Variants in RAPGEF5 observed in about 807,000 individuals in gnomAD.
RAPGEF5 encodes M-Ras-regulated GEF.
Under a neutral mutation model 125.2 loss-of-function variants are expected in RAPGEF5, and 65 were observed. That is an observed-to-expected ratio of 0.52 (90% CI 0.43 to 0.64). RAPGEF5 has a LOEUF of 0.64. Among genes scored for constraint, RAPGEF5 ranks in the 30% least tolerant of loss-of-function variants. The pLI is 0.00. For missense variants in RAPGEF5, 958 were observed against 1,048.1 expected, an observed-to-expected ratio of 0.91 and a Z score of 1.19; for synonymous variants, 391 against 385.9, an observed-to-expected ratio of 1.01 and a Z score of -0.16.
intron 11 of RAPGEF5, among the ~76,000 whole-genome samples, chr7:22,190,892 A>G (rs539911312): frequency 1.3e-5 from 2 of 152,286 alleles, no homozygotes; most frequent in African/African-American, 4.8e-5. Flanking sequence ...CTATTAGGCC[A>G]TGTGGAGGGC....
At chr7:22,233,251 T>G (rs1318587360) in intron 7 of RAPGEF5, among the ~76,000 whole-genome samples, 1 of 152,148 alleles carries the variant, frequency 6.6e-6, no homozygotes, top group Non-Finnish European at 1.5e-5. Context: ...TGCAGAGTAA[T>G]TTTCTTGGAG....
chr7:22,145,395 T>C (rs1224216007), intron 19 of RAPGEF5, 173 bp from the exon 20 acceptor site: 6 of 567,054 alleles, frequency 1.1e-5, no homozygotes, highest in Non-Finnish European at 1.4e-5. Flanking sequence ...GTTTTAGAGG[T>C]GCCTCATTCA....
chr7:22,351,878 G>C (rs1028416339), intron 1 of RAPGEF5, among the ~76,000 whole-genome samples: 1 of 152,184 alleles, frequency 6.6e-6, no homozygotes, highest in African/African-American at 2.4e-5. Flanking sequence ...CAAAGGGAAA[G>C]GGATACTTTG....
chr7:22,292,914 A>C (rs766692590), intron 5 of RAPGEF5, among the ~76,000 whole-genome samples: 2 of 151,750 alleles, frequency 1.3e-5, no homozygotes, highest in African/African-American at 2.4e-5. Context: ...GGAACTCAAA[A>C]TTCCAAGAGA....
At chr7:22,219,509 G>A (rs1164931143) in intron 9 of RAPGEF5, among the ~76,000 whole-genome samples, 1 of 150,896 alleles carries the variant, frequency 6.6e-6, no homozygotes, top group African/African-American at 2.4e-5. Flanking sequence ...ATGTTGAAAT[G>A]TTTTTTCAAA....
chr7:22,191,746 C>T, intron 11 of RAPGEF5: 3 of 453,990 alleles, frequency 6.6e-6, no homozygotes, highest in Non-Finnish European at 1.4e-5. Flanking sequence ...GGTGATTTGT[C>T]ATTCTCAGTG....
intron 9 of RAPGEF5, among the ~76,000 whole-genome samples, chr7:22,216,265 T>C (rs1241080649): frequency 1.3e-5 from 2 of 152,218 alleles, no homozygotes; most frequent in Admixed American, 6.5e-5. Context: ...CACATCTGAT[T>C]ATGCCACTTC....
At chr7:22,291,490 C>T (rs1782934663) in intron 5 of RAPGEF5, among the ~76,000 whole-genome samples, 1 of 152,154 alleles carries the variant, frequency 6.6e-6, no homozygotes, top group Non-Finnish European at 1.5e-5. Flanking sequence ...TGGGGTATTA[C>T]TCACCCCATG....
intron 5 of RAPGEF5, among the ~76,000 whole-genome samples, chr7:22,296,062 G>A (rs933919143): frequency 9.2e-5 from 14 of 152,080 alleles, no homozygotes; most frequent in African/African-American, 3.1e-4. Flanking sequence ...TTTTGTATAG[G>A]GTGGTAAGAG....
chr7:22,308,303 G>T, intron 5 of RAPGEF5, 36 bp downstream of exon 5: 1 of 1,541,034 alleles, frequency 6.5e-7, no homozygotes, highest in Non-Finnish European at 8.8e-7. Context: ...TTGTCTAAGT[G>T]TAAGAATACA....
At chr7:22,186,778 T>A (rs143776459) in intron 11 of RAPGEF5, among the ~76,000 whole-genome samples, 36 of 152,324 alleles carry the variant, frequency 2.4e-4, no homozygotes, top group East Asian at 1.5e-3. Flanking sequence ...TGCCAGGAAA[T>A]GGCTAGTAGA....
intron 2 of RAPGEF5, among the ~76,000 whole-genome samples, chr7:22,316,410 T>C (rs2128154664): frequency 6.7e-6 from 1 of 148,380 alleles, no homozygotes; most frequent in Non-Finnish European, 1.5e-5. Context: ...TATATATATA[T>C]ATACATACAC....
rs1027504814 is a variant in RAPGEF5 at position 22,131,060 on chromosome 7, T to G, written c.2458A>C (p.Asn820His). ...ACCAGCTTTTCAAAATTGACAAGAT[T>G]ATCCAAAAAAGTTTTATTTCCTTCA... ...IHEGNKTFLD[N>H]LVNFEKLHMI... The change falls in exon 24 of 26, where the codon AAT becomes CAT. Residue 820 changes from asparagine to histidine, a missense_variant. Asn to His is a moderately conservative substitution (Grantham distance 68). Transcript: ENST00000665637. 6.5e-7 allele frequency: 1 copy of G among 1,537,030 alleles called. No individual in the cohort carries two copies. Among genetic ancestry groups the G allele is most frequent in the Non-Finnish European group, 8.8e-7 (1 of 1,141,374 alleles).
intron 11 of RAPGEF5, among the ~76,000 whole-genome samples, chr7:22,175,865 CT>C (rs1784487602): frequency 6.6e-6 from 1 of 152,174 alleles, no homozygotes; most frequent in African/African-American, 2.4e-5. Context: ...CCAAAAGGTT[CT>C]GTATTATGAA....
chr7:22,317,038 G>A (rs928781437), intron 2 of RAPGEF5, among the ~76,000 whole-genome samples: 6 of 150,822 alleles, frequency 4.0e-5, no homozygotes, highest in African/African-American at 9.7e-5. Context: ...CCGAGGAAGC[G>A]GTGTGAGTAA....
At chr7:22,354,102 A>C (rs533216992) in intron 1 of RAPGEF5, among the ~76,000 whole-genome samples, 36 of 152,270 alleles carry the variant, frequency 2.4e-4, no homozygotes, top group Middle Eastern at 3.4e-3. Flanking sequence ...ACAACAACAA[A>C]AAAAGCCTAT....
intron 7 of RAPGEF5, among the ~76,000 whole-genome samples, chr7:22,242,128 G>C (rs1035912595): frequency 3.9e-5 from 6 of 152,198 alleles, no homozygotes; most frequent in African/African-American, 1.2e-4. Flanking sequence ...GGCTGGGCTA[G>C]GTCTGAGAGG....
chr7:22,219,416 C>CT (rs547133466), intron 9 of RAPGEF5, among the ~76,000 whole-genome samples: 306 of 151,020 alleles, frequency 2.0e-3, no homozygotes, highest in Non-Finnish European at 4.0e-3. Flanking sequence ...TCTATAATCT[C>CT]TTTTTGTGTT....
In RAPGEF5 at chr7:22,122,303, T is replaced by C. The variant is rs1286049759; in HGVS notation, c.*103A>G. On this transcript the variant is annotated 3_prime_UTR_variant, in exon 26 of 26. Coordinates refer to ENST00000665637, the MANE Select transcript of RAPGEF5 (RefSeq NM_012294.5). ...CTGTGAATGTCTTGGGTTATACTGA[T>C]AAAACTCAGCAACTTCTTTTCTCAC... is the stretch of plus-strand genomic sequence containing the variant. 2.1e-6 allele frequency: 2 copies of C among 962,740 alleles called. No homozygotes were observed. The highest frequency in any genetic ancestry group is 3.2e-6 in the Non-Finnish European group (2 of 631,868). 59.6% of individuals were successfully genotyped at this position (962,740 alleles called of 1,614,324 possible).
Sources: allele counts gnomAD v4.1 joint callset (sites outside exome capture counted in the v4.1 genomes callset), GRCh38; gene constraint gnomAD v4.1.1; transcripts MANE v1.5; gene names NCBI Gene and HGNC (gene_info 2026-07-23, HGNC 2026-07-21).